PRKCE: variants seen among roughly 807,000 people sequenced by gnomAD.
The protein encoded by PRKCE is protein kinase C epsilon, also known as protein kinase C epsilon type.
In PRKCE, 16 loss-of-function variants were observed where a neutral mutation model predicts 85.4. That is an observed-to-expected ratio of 0.19 (90% CI 0.13 to 0.28). The LOEUF (loss-of-function observed/expected upper bound fraction) is 0.28. Ranked by LOEUF, PRKCE falls within the 10% of genes least tolerant of loss-of-function variation. PRKCE has a pLI of 1.00. For synonymous variants in PRKCE, 388 were observed against 371.5 expected (o/e 1.04, Z -0.51); for missense variants, 573 against 975.2 (o/e 0.59, Z 5.49).
chr2:46,187,772 TC>T lies in PRKCE; in HGVS notation c.*2892del, dbSNP rs1012403099. On this transcript the variant is annotated 3_prime_UTR_variant, in exon 15 of 15. Transcript: ENST00000306156. ...CTTTTTAAATTATGTGCAAAATAAT[TC>T]TGGCTAACTGTAAAATGTATTCAAT... The T allele has an allele frequency of 2.6e-5, 4 of 152,038 alleles. No homozygotes were observed. Among genetic ancestry groups the T allele is most frequent in the African/African-American group, 7.3e-5 (3 of 41,264 alleles). The allele number at this position is 152,038 out of a possible 1,614,324, so 9.4% of individuals were successfully genotyped here. A position where few individuals can be genotyped will look rare whatever the true frequency, so the allele number is the denominator to read the frequency against.
At chr2:46,058,907 A>G (rs13025792) in intron 10 of PRKCE, among the ~76,000 whole-genome samples, 35,137 of 152,144 alleles carry the variant, frequency 0.23, 4,517 homozygotes, top group East Asian at 0.3. Flanking sequence ...CGTGTGGCCC[A>G]GGCTGGTCTC....
intron 6 of PRKCE, among the ~76,000 whole-genome samples, chr2:45,988,000 T>A (rs1312626541): frequency 6.6e-6 from 1 of 152,288 alleles, no homozygotes; most frequent in Admixed American, 6.5e-5. Flanking sequence ...CCTGCAAGCA[T>A]CCCCGAGCAA....
intron 1 of PRKCE, chr2:45,675,276 C>T (rs931742159): frequency 7.2e-5 from 11 of 152,328 alleles, no homozygotes; most frequent in African/African-American, 2.7e-4. Flanking sequence ...CCCCTTAGCA[C>T]CTTAGCCCAG....
intron 1 of PRKCE, among the ~76,000 whole-genome samples, chr2:45,663,433 C>G (rs931621434): frequency 6.6e-6 from 1 of 151,912 alleles, no homozygotes; most frequent in African/African-American, 2.4e-5. Flanking sequence ...TATTTTGAGC[C>G]AGGCCTTGAG....
intron 2 of PRKCE, among the ~76,000 whole-genome samples, chr2:45,880,162 A>G (rs1694774952): frequency 6.6e-6 from 1 of 152,182 alleles, no homozygotes; most frequent in Admixed American, 6.5e-5. Context: ...AGTGTCCTCC[A>G]GTTGCATTTA....
At chr2:45,987,705 T>C (rs1703450616) in intron 6 of PRKCE, among the ~76,000 whole-genome samples, 1 of 152,190 alleles carries the variant, frequency 6.6e-6, no homozygotes, top group African/African-American at 2.4e-5. Context: ...CCACTCATGG[T>C]GTTGAGCATT....
chr2:45,753,740 A>G (rs929960673), intron 1 of PRKCE, among the ~76,000 whole-genome samples: 2 of 152,210 alleles, frequency 1.3e-5, no homozygotes, highest in African/African-American at 4.8e-5. Context: ...TGTCCCCATC[A>G]TCTAGATTTT....
Position 45,862,327 on chromosome 2 carries a change from G to A in PRKCE, c.412+19264G>A, listed in dbSNP as rs182249914. Among the ~76,000 whole-genome samples the A allele has an allele frequency of 1.0e-3, 156 of 151,972 alleles. 2 individuals are homozygous for A. The highest frequency in any genetic ancestry group is 1.6e-3 in the Non-Finnish European group (110 of 67,988). On this transcript the variant is annotated intron_variant, in intron 2 of 14. Coordinates refer to ENST00000306156, the MANE Select transcript of PRKCE (RefSeq NM_005400.3). Reference sequence around the variant, plus strand: ...CCAACAGTCTGCCTCCTCCTCATCCGTCCAGGTCTCACCACCTCCATGTCA... The same window carrying A: ...CCAACAGTCTGCCTCCTCCTCATCCATCCAGGTCTCACCACCTCCATGTCA...
chr2:45,868,323 A>AG (rs2105725519), intron 2 of PRKCE, among the ~76,000 whole-genome samples: 1 of 142,348 alleles, frequency 7.0e-6, no homozygotes, highest in East Asian at 2.0e-4. Context: ...CCTGTCCAAA[A>AG]AAAAAAAAAA....
chr2:45,921,004 G>T (rs568847244), intron 2 of PRKCE, among the ~76,000 whole-genome samples: 68 of 152,282 alleles, frequency 4.5e-4, no homozygotes, highest in South Asian at 2.9e-3. Context: ...TCCCTACATC[G>T]GTGAGCTGAA....
intron 2 of PRKCE, among the ~76,000 whole-genome samples, chr2:45,869,136 G>A (rs1693872596): frequency 1.3e-5 from 2 of 152,146 alleles, no homozygotes; most frequent in South Asian, 4.1e-4. Flanking sequence ...GCTGAATTTA[G>A]GAGCTGATAG....
intron 13 of PRKCE, among the ~76,000 whole-genome samples, chr2:46,157,508 G>C (rs1399837614): frequency 6.6e-6 from 1 of 152,188 alleles, no homozygotes; most frequent in Non-Finnish European, 1.5e-5. Flanking sequence ...GCACAGGACA[G>C]CTCCCCCCAC....
intron 14 of PRKCE, among the ~76,000 whole-genome samples, chr2:46,172,200 G>T (rs942496399): frequency 6.6e-6 from 1 of 152,148 alleles, no homozygotes. Flanking sequence ...GCTGAGCTGG[G>T]CCCTGCTAGT....
intron 2 of PRKCE, among the ~76,000 whole-genome samples, chr2:45,966,262 TAACATGACCGCAGGTGCCTGTG>T (rs1701721728): frequency 6.6e-6 from 1 of 152,232 alleles, no homozygotes; most frequent in South Asian, 2.1e-4. Context: ...CATAGATGTG[TAACATGACCGCAGGTGCCTGTG>T]ATGCTCCCAC....
chr2:45,994,949 G>A (rs1197111120), intron 6 of PRKCE, among the ~76,000 whole-genome samples: 10 of 152,080 alleles, frequency 6.6e-5, no homozygotes, highest in Admixed American at 6.5e-4. Flanking sequence ...AATGGCATTG[G>A]GTGTTATCAG....
At chr2:45,671,918 C>G (rs1212471437) in intron 1 of PRKCE, among the ~76,000 whole-genome samples, 1 of 152,008 alleles carries the variant, frequency 6.6e-6, no homozygotes, top group Non-Finnish European at 1.5e-5. Context: ...TACAAATTAT[C>G]TAGGCATGAC....
Position 46,052,997 on chromosome 2 carries a change from G to A in PRKCE, c.1438-33211G>A, listed in dbSNP as rs183006881. Among the ~76,000 whole-genome samples the A allele has an allele frequency of 1.6e-4, 24 of 152,312 alleles. No individual in the cohort carries two copies. In the East Asian group the frequency reaches 1.7e-3, roughly 11 times the overall value. On this transcript the variant is annotated intron_variant, in intron 10 of 14. Transcript: ENST00000306156. ...CTCAAAGTGGATTATAAACCTAAAC[G>A]TAAGAGCCGGTCACCCAACTGCCTG...
At chr2:46,081,128 A>G (rs566104400) in intron 10 of PRKCE, among the ~76,000 whole-genome samples, 2 of 152,228 alleles carry the variant, frequency 1.3e-5, no homozygotes, top group South Asian at 4.1e-4. Context: ...AGTAGCTGGA[A>G]CTACAGGCGT....
At chr2:45,808,261 G>T (rs182663439) in intron 1 of PRKCE, among the ~76,000 whole-genome samples, 1 of 152,154 alleles carries the variant, frequency 6.6e-6, no homozygotes, top group Non-Finnish European at 1.5e-5. Context: ...GAGCACTGGA[G>T]TAGGGCACAT....
Sources: allele counts gnomAD v4.1 joint callset (sites outside exome capture counted in the v4.1 genomes callset), GRCh38; gene constraint gnomAD v4.1.1; transcripts MANE v1.5; gene names NCBI Gene and HGNC (gene_info 2026-07-23, HGNC 2026-07-21).